The following TDRD9 variants were observed in gnomAD, a reference collection of about 807,000 sequenced individuals.
TDRD9 encodes the protein ATP-dependent RNA helicase TDRD9.
Under a neutral mutation model 172.6 loss-of-function variants are expected in TDRD9, and 124 were observed. The observed-to-expected ratio is 0.72, with a 90% confidence interval of 0.62 to 0.83. TDRD9 has a LOEUF of 0.83. Among genes scored for constraint, TDRD9 ranks in the 40% least tolerant of loss-of-function variants. The pLI, the probability that TDRD9 is intolerant of heterozygous loss-of-function variation, is 0.00. For missense variants in TDRD9, 1,479 were observed against 1,714.1 expected (o/e 0.86, Z 2.42); for synonymous variants, 619 against 617.1 (o/e 1.00, Z -0.05).
At chr14:103,961,344 G>T (rs906876026) in intron 2 of TDRD9, among the ~76,000 whole-genome samples, 2 of 152,050 alleles carry the variant, frequency 1.3e-5, no homozygotes, top group African/African-American at 4.8e-5. Context: ...AATTTGAGAG[G>T]CCGAGATCAG....
At chr14:103,940,958 CA>C in intron 1 of TDRD9, 1 of 1,535,440 alleles carries the variant, frequency 6.5e-7, no homozygotes, top group Non-Finnish European at 8.7e-7. Flanking sequence ...ACAGAAGGAG[CA>C]GAGCAGTCCA....
chr14:103,961,400 T>C (rs1233121937), intron 2 of TDRD9, among the ~76,000 whole-genome samples: 1 of 151,814 alleles, frequency 6.6e-6, no homozygotes, highest in African/African-American at 2.4e-5. Flanking sequence ...CCATCTCTAC[T>C]AAAAATACAA....
intron 1 of TDRD9, among the ~76,000 whole-genome samples, chr14:103,948,910 C>A (rs2031718012): frequency 7.7e-6 from 1 of 129,944 alleles, no homozygotes; most frequent in Admixed American, 8.0e-5. Context: ...AAAAAAAATC[C>A]TTGAAAGGAC....
intron 1 of TDRD9, among the ~76,000 whole-genome samples, chr14:103,944,416 A>G (rs1555363438): frequency 2.0e-5 from 3 of 152,030 alleles, no homozygotes. Flanking sequence ...CAGCTCAAAT[A>G]CCAACTGATT....
chr14:103,940,841 T>C, intron 1 of TDRD9: 1 of 1,535,370 alleles, frequency 6.5e-7, no homozygotes, highest in Non-Finnish European at 8.7e-7. Flanking sequence ...AGGTTCCATA[T>C]TCTGTGTGAG....
chr14:103,943,526 T>G (rs567238385), intron 1 of TDRD9, among the ~76,000 whole-genome samples: 2 of 150,982 alleles, frequency 1.3e-5, no homozygotes, highest in East Asian at 3.9e-4. Flanking sequence ...TTTTTTTTTT[T>G]TTTTTGTAGA....
intron 13 of TDRD9, 55 bp from the exon 14 acceptor site, chr14:104,004,183 T>G: frequency 1.2e-6 from 1 of 827,902 alleles, no homozygotes; most frequent in Non-Finnish European, 2.0e-6. Context: ...GATACCTTCA[T>G]GCTGATGTTA....
At chr14:103,968,338 A>G (rs2032845664) in intron 5 of TDRD9, among the ~76,000 whole-genome samples, 1 of 152,220 alleles carries the variant, frequency 6.6e-6, no homozygotes, top group Non-Finnish European at 1.5e-5. Flanking sequence ...AAATGAATGG[A>G]CTGGATTCAA....
intron 34 of TDRD9, among the ~76,000 whole-genome samples, chr14:104,044,237 GC>G (rs1288481564): frequency 2.0e-5 from 3 of 152,098 alleles, no homozygotes; most frequent in African/African-American, 7.2e-5. Flanking sequence ...GTTTTCCTTG[GC>G]GACTCCAAGA....
At chr14:103,975,272 A>T in intron 6 of TDRD9, 117 bp from the exon 7 acceptor site, 2 of 899,540 alleles carry the variant, frequency 2.2e-6, no homozygotes, top group Non-Finnish European at 1.7e-6. Context: ...TGGTCTGTTT[A>T]AAGTCTCAAA....
At chr14:103,940,781 A>G in intron 1 of TDRD9, 1 of 1,496,548 alleles carries the variant, frequency 6.7e-7, no homozygotes. Context: ...AGGTGTTCAT[A>G]AAAACCCCTC....
At chr14:104,022,094 G>T in intron 23 of TDRD9, 63 bp from the exon 24 acceptor site, 1 of 1,328,132 alleles carries the variant, frequency 7.5e-7, no homozygotes, top group Non-Finnish European at 1.0e-6. Context: ...TGAGAGAAAT[G>T]AATATGCAGT....
chr14:103,971,160 T>C lies in TDRD9; in HGVS notation c.846+539T>C, dbSNP rs146868726. ...CACCAAGCCCAGCTAATTTTTTGTATTTTTAGTAGAGGCGGGGTTTCATCG... is the reference window on the plus strand; with the variant it reads ...CACCAAGCCCAGCTAATTTTTTGTACTTTTAGTAGAGGCGGGGTTTCATCG... On this transcript the variant is annotated intron_variant, in intron 6 of 35. Transcript: ENST00000409874. Among the ~76,000 whole-genome samples the C allele has an allele frequency of 2.9e-3, 433 of 151,566 alleles. 5 individuals are homozygous for C. Among genetic ancestry groups the C allele is most frequent in the Admixed American group, 0.019 (296 of 15,200 alleles).
At position 104,033,984 on chromosome 14, in the gene TDRD9, C is replaced by T; in HGVS notation, c.3534C>T (p.Ser1178=). Residue 1178 remains serine (S), a synonymous_variant, in exon 31 of 36, where the codon AGC becomes AGT. Transcript: ENST00000409874. ...GGTGTGTTTGGATTGAGAAGGAGAG[C>T]ATCAACTCTGTCATTATCAGTGACG... ...KFRCVWIEKE[S]INSVIISDAP... is the part of the protein sequence containing the mutation. 1.4e-5 allele frequency: 22 copies of T among 1,550,798 alleles called. No homozygotes were observed. The highest frequency in any genetic ancestry group is 1.9e-5 in the Non-Finnish European group (22 of 1,145,970).
chr14:104,043,258 T>G (rs1050612867), intron 34 of TDRD9, among the ~76,000 whole-genome samples: 1 of 151,556 alleles, frequency 6.6e-6, no homozygotes, highest in South Asian at 2.1e-4. Flanking sequence ...TTTTTTTTTT[T>G]GAGAATGGAG....
At chr14:103,938,147 A>G (rs1451022347) in intron 1 of TDRD9, among the ~76,000 whole-genome samples, 1 of 152,016 alleles carries the variant, frequency 6.6e-6, no homozygotes, top group Non-Finnish European at 1.5e-5. Context: ...AGTGCTTAGT[A>G]TGTGCCTGGT....
In TDRD9 at chr14:104,042,156, C is replaced by T. The variant is rs2035628892; in HGVS notation, c.3943C>T (p.Leu1315Phe). The T allele has an allele frequency of 6.2e-7, 1 of 1,613,258 alleles. No individual in the cohort carries two copies. Among genetic ancestry groups the T allele is most frequent in the Non-Finnish European group, 8.5e-7 (1 of 1,179,238 alleles). ...TCTTGGGCCAGAGAGAGTTGCGCAG[C>T]TTCAAGACATTGCCCGTCAGAAGCT... ...KCLGPERVAQ[L>F]QDIARQKLLG... Residue 1315 changes from leucine to phenylalanine, a missense_variant, in exon 34 of 36, where the codon CTT becomes TTT. Physicochemically the swap from Leu to Phe is conservative, Grantham distance 22. Coordinates refer to ENST00000409874, the MANE Select transcript of TDRD9 (RefSeq NM_153046.3).
At chr14:103,977,519 AAAAAT>A (rs2033297209) in intron 7 of TDRD9, among the ~76,000 whole-genome samples, 2 of 149,938 alleles carry the variant, frequency 1.3e-5, no homozygotes, top group African/African-American at 4.9e-5. Flanking sequence ...AAAAAAAAAA[AAAAAT>A]TGGATTGTTT....
rs769699885 is a variant in TDRD9 at position 104,006,549 on chromosome 14, T to G, written c.1874T>G (p.Ile625Ser). 1 of 1,613,570 alleles carries G rather than the reference T, an allele frequency of 6.2e-7. No individual in the cohort carries two copies. Among genetic ancestry groups the G allele is most frequent in the South Asian group, 1.1e-5 (1 of 91,046 alleles). The part of the protein sequence containing the change: ...HVFGCLDECL[I>S]IAAALSLKNF... ...TTTGGATGTCTAGATGAATGTCTTA[T>G]TATAGGTAAGTGTGAGAACAAATAA... The change falls in exon 16 of 36, where the codon ATT (isoleucine) becomes AGT (serine). Residue 625 changes from isoleucine to serine, a missense_variant. This residue lies in a region of TDRD9 where 1,413 missense variants were observed against 1,649.1 expected (regional missense o/e 0.86). Transcript: ENST00000409874.
Sources: allele counts gnomAD v4.1 joint callset (sites outside exome capture counted in the v4.1 genomes callset), GRCh38; gene constraint gnomAD v4.1.1; regional missense constraint gnomAD v4.1.1; transcripts MANE v1.5; gene names NCBI Gene and HGNC (gene_info 2026-07-23, HGNC 2026-07-21).